ZMYND11: variants seen among roughly 807,000 people sequenced by gnomAD.
ZMYND11 encodes the protein zinc finger MYND-type containing 11, also known as zinc finger MYND domain-containing protein 11.
A neutral mutation model predicts 84.9 loss-of-function variants in ZMYND11; 9 were observed. The observed-to-expected ratio is 0.11, with a 90% confidence interval of 0.06 to 0.18. ZMYND11 has a LOEUF of 0.18. Among genes scored for constraint, ZMYND11 ranks in the 10% least tolerant of loss-of-function variants. The pLI is 1.00. For synonymous variants in ZMYND11, 250 were observed against 244.1 expected (o/e 1.02, Z -0.23); for missense variants, 409 against 761.0 (o/e 0.54, Z 5.44).
At chr10:245,142 T>C (rs1951855311) in intron 10 of ZMYND11, among the ~76,000 whole-genome samples, 1 of 152,234 alleles carries the variant, frequency 6.6e-6, no homozygotes, top group South Asian at 2.1e-4. Context: ...AGTTTAGTTT[T>C]TCAAAGTTCA....
Position 248,524 on chromosome 10 carries a change from C to T in ZMYND11, c.1416C>T (p.Thr472=). The change falls in exon 13 of 15, where the codon ACC becomes ACT. Residue 472 remains threonine (T), a synonymous_variant. Coordinates refer to ENST00000381604, the MANE Select transcript of ZMYND11 (RefSeq NM_001370100.5). ...VCQSMCHDKY[T]KIFNDFKDRM... The stretch of plus-strand genomic sequence containing the variant: ...AGAGCATGTGCCATGACAAATACAC[C>T]AAGATCTTCAATGACTTCAAAGACC... 1 of 1,614,132 alleles carries T rather than the reference C, an allele frequency of 6.2e-7. No individual in the cohort carries two copies.
intron 2 of ZMYND11, among the ~76,000 whole-genome samples, chr10:189,810 A>G (rs1454149333): frequency 6.6e-6 from 1 of 152,194 alleles, no homozygotes; most frequent in Non-Finnish European, 1.5e-5. Context: ...CACAGATTGG[A>G]GTCTATCAGT....
chr10:154,750 A>G (rs1841301502), intron 1 of ZMYND11: 1 of 152,348 alleles, frequency 6.6e-6, no homozygotes, highest in Non-Finnish European at 1.5e-5. Context: ...TAATAGATAT[A>G]AAGATGAAAA....
chr10:227,664 A>G (rs1361703766), intron 4 of ZMYND11, among the ~76,000 whole-genome samples: 2 of 152,256 alleles, frequency 1.3e-5, no homozygotes, highest in Non-Finnish European at 1.5e-5. Flanking sequence ...CCAACAGTAA[A>G]GAGAATGCCC....
At position 195,112 on chromosome 10, in the gene ZMYND11, A is replaced by G. The variant is rs1342559078; in HGVS notation, c.117-14777A>G. Among the ~76,000 whole-genome samples, 4 of 152,234 alleles carry G rather than the reference A, an allele frequency of 2.6e-5. No individual in the cohort carries two copies. In the East Asian group the frequency reaches 5.8e-4, roughly 22 times the overall value. On this transcript the variant is annotated intron_variant, in intron 2 of 14. Coordinates refer to ENST00000381604, the MANE Select transcript of ZMYND11 (RefSeq NM_001370100.5). ...CTCACAAACTGACTTCTGAACTGCA[A>G]TACTGGAATACTGCAAAACTGAAAT...
chr10:191,788 C>T (rs984103969), intron 2 of ZMYND11, among the ~76,000 whole-genome samples: 9 of 152,198 alleles, frequency 5.9e-5, no homozygotes, highest in African/African-American at 1.9e-4. Context: ...TTTTCCCATT[C>T]ATTTTCCTAC....
chr10:138,372 C>T (rs1302914012), intron 1 of ZMYND11, among the ~76,000 whole-genome samples: 1 of 151,906 alleles, frequency 6.6e-6, no homozygotes, highest in Non-Finnish European at 1.5e-5. Flanking sequence ...CTGCCTTGGC[C>T]TCCCAAAGTG....
In ZMYND11 at chr10:199,244, C is replaced by T. The variant is rs190191986; in HGVS notation, c.117-10645C>T. 3.7e-3 allele frequency among the ~76,000 whole-genome samples: 551 copies of T among 150,906 alleles called. 5 individuals are homozygous for T. The highest frequency in any genetic ancestry group is 0.013 in the African/African-American group (516 of 41,010). On this transcript the variant is annotated intron_variant, in intron 2 of 14. Coordinates refer to ENST00000381604, the MANE Select transcript of ZMYND11 (RefSeq NM_001370100.5). The stretch of plus-strand genomic sequence containing the variant: ...GCAGAACTCTCTCTCTCTCCCTTCC[C>T]CCCTCGCTCGCTCTCTCTCCCCATT...
chr10:240,029 A>G, intron 7 of ZMYND11, 27 bp from the exon 8 acceptor site: 1 of 1,594,166 alleles, frequency 6.3e-7, no homozygotes, highest in Non-Finnish European at 8.6e-7. Context: ...ACTATTGCTT[A>G]TAGGTAATAT....
chr10:238,634 G>A (rs1026843328), intron 6 of ZMYND11, among the ~76,000 whole-genome samples: 6 of 152,196 alleles, frequency 3.9e-5, no homozygotes, highest in African/African-American at 7.2e-5. Context: ...GGGATTACAG[G>A]CGTGAGCCAC....
intron 2 of ZMYND11, among the ~76,000 whole-genome samples, chr10:187,004 G>A (rs892608749): frequency 1.7e-4 from 26 of 152,056 alleles, no homozygotes; most frequent in African/African-American, 6.3e-4. Context: ...GAGATTGGGG[G>A]ATCGCTTGAG....
upstream of ZMYND11, among the ~76,000 whole-genome samples, chr10:132,592 A>T (rs545916965): frequency 6.6e-6 from 1 of 152,324 alleles, no homozygotes; most frequent in East Asian, 1.9e-4. Context: ...AGCAGTCCAC[A>T]CTTTATTACA....
rs1370706499 is a variant in ZMYND11, at chr10:180,084, T to C, written c.72T>C (p.Ile24=). 6.2e-7 allele frequency: 1 copy of C among 1,613,730 alleles called. No individual in the cohort carries two copies. Among genetic ancestry groups the C allele is most frequent in the East Asian group, 2.2e-5 (1 of 44,848 alleles). Residue 24 remains isoleucine (I), a synonymous_variant, in exon 2 of 15, where the codon ATT becomes ATC. Transcript: ENST00000381604. ...AIQHLWAAIE[I]IRNQKQIANI... ...AGCATCTTTGGGCAGCCATTGAGAT[T>C]ATACGGAACCAGAAGCAGATTGCCA...
chr10:179,931 C>T (rs1245775652), intron 1 of ZMYND11, 63 bp from the exon 2 acceptor site: 1 of 990,902 alleles, frequency 1.0e-6, no homozygotes, highest in East Asian at 2.4e-5. Context: ...ATGTTACTCA[C>T]TTATACTGAT....
At chr10:138,323 G>A (rs1194345316) in intron 1 of ZMYND11, among the ~76,000 whole-genome samples, 1 of 152,074 alleles carries the variant, frequency 6.6e-6, no homozygotes, top group Non-Finnish European at 1.5e-5. Context: ...GGTTTGCCAT[G>A]TTGGCCAGGT....
upstream of ZMYND11, among the ~76,000 whole-genome samples, chr10:131,917 C>A (rs1351040059): frequency 6.6e-6 from 1 of 152,140 alleles, no homozygotes; most frequent in African/African-American, 2.4e-5. Context: ...ACTGCTGTTA[C>A]AGAGTTCGGA....
At chr10:181,317 A>T (rs1378867425) in intron 2 of ZMYND11, among the ~76,000 whole-genome samples, 1 of 152,192 alleles carries the variant, frequency 6.6e-6, no homozygotes, top group Admixed American at 6.5e-5. Context: ...CTGGTGAAGA[A>T]GATTACAAAG....
At chr10:235,737 C>CTGCGT (rs1949842607) in intron 4 of ZMYND11, among the ~76,000 whole-genome samples, 1 of 152,258 alleles carries the variant, frequency 6.6e-6, no homozygotes, top group African/African-American at 2.4e-5. Flanking sequence ...AGGGCACTGA[C>CTGCGT]TGCGTTGCCA....
intron 1 of ZMYND11, among the ~76,000 whole-genome samples, chr10:162,639 T>C (rs1180949634): frequency 1.3e-5 from 2 of 152,216 alleles, no homozygotes; most frequent in Non-Finnish European, 1.5e-5. Flanking sequence ...TCTTCTGATA[T>C]CATTTATTAT....
Sources: gnomAD v4.1 joint callset for allele counts (sites outside exome capture counted in the v4.1 genomes callset) on GRCh38, gnomAD v4.1.1 for gene constraint, MANE v1.5 for transcripts, NCBI Gene and HGNC (gene_info 2026-07-23, HGNC 2026-07-21) for gene names.